Variants in RSBN1L observed in about 807,000 individuals in gnomAD.
RSBN1L encodes the protein lysine-specific demethylase RSBN1L.
RSBN1L carries 30 observed loss-of-function variants against 67.7 expected under a neutral mutation model. That is an observed-to-expected ratio of 0.44 (90% CI 0.33 to 0.60). The LOEUF is 0.60. RSBN1L is among the 20% of genes least tolerant of loss of function. The pLI is 0.02. For missense variants in RSBN1L, 992 were observed against 1,031.7 expected (o/e 0.96, Z 0.53); for synonymous variants, 433 against 387.0 (o/e 1.12, Z -1.39).
At chr7:77,768,923 T>A in intron 5 of RSBN1L, 120 bp downstream of exon 5, 1 of 808,976 alleles carries the variant, frequency 1.2e-6, no homozygotes, top group Non-Finnish European at 2.0e-6. Flanking sequence ...GAATATAAAT[T>A]TAAAAATAGC....
intron 3 of RSBN1L, chr7:77,759,824 A>C (rs1297669996): frequency 1.3e-5 from 2 of 152,218 alleles, no homozygotes; most frequent in East Asian, 3.8e-4. Flanking sequence ...AGTCCAAAAT[A>C]GTGTAATGCT....
At chr7:77,726,208 A>G (rs984121088) in intron 1 of RSBN1L, among the ~76,000 whole-genome samples, 3 of 152,096 alleles carry the variant, frequency 2.0e-5, no homozygotes, top group Non-Finnish European at 4.4e-5. Context: ...GTAGTGATGC[A>G]TTATTATTAA....
At chr7:77,770,691 A>T (rs1414622828) in intron 5 of RSBN1L, among the ~76,000 whole-genome samples, 1 of 152,188 alleles carries the variant, frequency 6.6e-6, no homozygotes. Context: ...TTAAAAAAAA[A>T]ATGGTGAAAT....
chr7:77,769,199 A>G (rs1003406730), intron 5 of RSBN1L, among the ~76,000 whole-genome samples: 5 of 152,244 alleles, frequency 3.3e-5, no homozygotes, highest in African/African-American at 1.2e-4. Context: ...CTGCATTTCA[A>G]TTGGACTAAC....
chr7:77,703,163 T>G (rs1790840899), intron 1 of RSBN1L, among the ~76,000 whole-genome samples: 1 of 152,186 alleles, frequency 6.6e-6, no homozygotes, highest in African/African-American at 2.4e-5. Flanking sequence ...ACTTCTCTTT[T>G]CTGTGAGGGA....
chr7:77,733,847 C>A (rs559225781), intron 1 of RSBN1L, among the ~76,000 whole-genome samples: 2 of 152,306 alleles, frequency 1.3e-5, no homozygotes, highest in African/African-American at 4.8e-5. Context: ...TAGTTGTTGG[C>A]TGGGTGTGGT....
chr7:77,706,355 C>A (rs910355357), intron 1 of RSBN1L, among the ~76,000 whole-genome samples: 1 of 152,130 alleles, frequency 6.6e-6, no homozygotes, highest in East Asian at 1.9e-4. Context: ...GGATTACAGG[C>A]CTGAGCCACC....
At chr7:77,703,826 G>C (rs1484558603) in intron 1 of RSBN1L, among the ~76,000 whole-genome samples, 1 of 151,428 alleles carries the variant, frequency 6.6e-6, no homozygotes, top group African/African-American at 2.4e-5. Context: ...ATCTTGCTCT[G>C]TTGCCCAGGT....
chr7:77,742,063 C>G (rs1219069364), intron 2 of RSBN1L, among the ~76,000 whole-genome samples: 1 of 151,612 alleles, frequency 6.6e-6, no homozygotes, highest in Non-Finnish European at 1.5e-5. Flanking sequence ...GGCATGGTGG[C>G]TCACAGCTCT....
chr7:77,708,163 G>A (rs150588978), intron 1 of RSBN1L, among the ~76,000 whole-genome samples: 1 of 152,246 alleles, frequency 6.6e-6, no homozygotes, highest in Non-Finnish European at 1.5e-5. Flanking sequence ...TGGAGGAAGA[G>A]TAGAATTTAG....
chr7:77,702,544 C>A (rs1554336552), intron 1 of RSBN1L, among the ~76,000 whole-genome samples: 1 of 151,848 alleles, frequency 6.6e-6, no homozygotes, highest in Non-Finnish European at 1.5e-5. Context: ...TTTTAATCTT[C>A]ATTTCTTTTC....
chr7:77,759,262 AAATACT>A (rs1172128422), intron 3 of RSBN1L, among the ~76,000 whole-genome samples: 1 of 152,152 alleles, frequency 6.6e-6, no homozygotes, highest in African/African-American at 2.4e-5. Flanking sequence ...CATGCTCCCC[AAATACT>A]TAAGAACTGA....
rs1289851761 is a variant in RSBN1L, at chr7:77,749,711, C to A, written c.991C>A (p.Pro331Thr). The part of the protein sequence containing the change: ...SEFPFVSLKE[P>T]RVQNNLKRLD... ...GTTTCCATTTGTCTCATTAAAGGAG[C>A]CACGAGTTCAGAATAACCTCAAAAG... Residue 331 changes from proline (P) to threonine (T), a missense_variant, in exon 3 of 8, where the codon CCA becomes ACA. Pro to Thr is a conservative substitution (Grantham distance 38, BLOSUM62 -1). This residue lies in a region of RSBN1L where 575 missense variants were observed against 483.2 expected (regional missense o/e 1.19). Coordinates refer to ENST00000334955, the MANE Select transcript of RSBN1L (RefSeq NM_198467.3). 6.2e-7 allele frequency: 1 copy of A among 1,613,990 alleles called. No individual in the cohort carries two copies. The highest frequency in any genetic ancestry group is 8.5e-7 in the Non-Finnish European group (1 of 1,180,010).
chr7:77,762,450 TTTG>T (rs1333263464), intron 3 of RSBN1L, among the ~76,000 whole-genome samples: 1 of 152,186 alleles, frequency 6.6e-6, no homozygotes, highest in African/African-American at 2.4e-5. Context: ...TTAGACGTGT[TTTG>T]TTTTATTTTG....
rs1791971645 is a variant in RSBN1L at position 77,779,729 on chromosome 7, G to A, written c.*561G>A. 1 of 151,142 alleles carries A rather than the reference G, an allele frequency of 6.6e-6. No individual in the cohort carries two copies. The highest frequency in any genetic ancestry group is 1.5e-5 in the Non-Finnish European group (1 of 67,878). 9.4% of individuals were successfully genotyped at this position (151,142 alleles called of 1,614,324 possible). A position where few individuals can be genotyped will look rare whatever the true frequency, so the allele number is the denominator to read the frequency against. ...TTAAGTCATTTGATAATGATTCTCT[G>A]CTGGTATATCTATTTAGTGTGGTAT... On this transcript the variant is annotated 3_prime_UTR_variant, in exon 8 of 8. Coordinates refer to ENST00000334955, the MANE Select transcript of RSBN1L (RefSeq NM_198467.3).
chr7:77,744,224 C>T (rs1791450833), intron 2 of RSBN1L, among the ~76,000 whole-genome samples: 1 of 151,244 alleles, frequency 6.6e-6, no homozygotes, highest in African/African-American at 2.4e-5. Flanking sequence ...TTTGTAGAGA[C>T]AGGGTCTCAC....
intron 3 of RSBN1L, 55 bp downstream of exon 3, chr7:77,750,119 T>A: frequency 9.0e-7 from 1 of 1,105,494 alleles, no homozygotes; most frequent in African/African-American, 1.6e-5. Context: ...TTTAGATGAG[T>A]TTCTGTTTTT....
intron 1 of RSBN1L, among the ~76,000 whole-genome samples, chr7:77,735,260 A>G (rs571765680): frequency 3.9e-4 from 60 of 152,320 alleles, no homozygotes; most frequent in African/African-American, 1.3e-3. Context: ...AAGTGAAACT[A>G]GTTTCAAATT....
chr7:77,704,977 C>CAA (rs976018709), intron 1 of RSBN1L, among the ~76,000 whole-genome samples: 2 of 115,952 alleles, frequency 1.7e-5, no homozygotes, highest in Admixed American at 8.5e-5. Context: ...GAAACTGTCT[C>CAA]AAAAAAAAAA....
Sources: allele counts gnomAD v4.1 joint callset (sites outside exome capture counted in the v4.1 genomes callset), GRCh38; gene constraint gnomAD v4.1.1; regional missense constraint gnomAD v4.1.1; transcripts MANE v1.5; gene names NCBI Gene and HGNC (gene_info 2026-07-23, HGNC 2026-07-21).